OPRM1: variants seen among roughly 807,000 people sequenced by gnomAD.
OPRM1 encodes the protein mu-type opioid receptor.
In OPRM1, 27 loss-of-function variants were observed where a neutral mutation model predicts 31.8. That is an observed-to-expected ratio of 0.85 (90% CI 0.63 to 1.17). OPRM1 has a LOEUF of 1.17. OPRM1 is among the 50% of genes most tolerant of loss of function. The pLI is 0.00. For synonymous variants in OPRM1, 196 were observed against 189.9 expected, an observed-to-expected ratio of 1.03 and a Z score of -0.26; for missense variants, 536 against 511.1, an observed-to-expected ratio of 1.05 and a Z score of -0.47.
chr6:154,237,969 C>T (rs559486780), intron 3 of OPRM1, among the ~76,000 whole-genome samples: 6 of 152,058 alleles, frequency 3.9e-5, no homozygotes, highest in Admixed American at 2.0e-4. Flanking sequence ...TTCCTGTTAA[C>T]GATTTTAAAC....
At chr6:154,150,468 G>A (rs1798470238) in intron 3 of OPRM1, among the ~76,000 whole-genome samples, 1 of 152,142 alleles carries the variant, frequency 6.6e-6, no homozygotes. Flanking sequence ...TGGTCCTATT[G>A]ACAAATCAGG....
chr6:154,180,414 A>ATATATATATATATATATTTTTTT (rs1241250621), intron 3 of OPRM1, among the ~76,000 whole-genome samples: 7 of 65,240 alleles, frequency 1.1e-4, no homozygotes, highest in Admixed American at 2.7e-4. Flanking sequence ...ATATATATAT[A>ATATATATATATATATATTTTTTT]TTTTTTTTTT....
chr6:154,018,637 CTT>C lies in OPRM1; in HGVS notation c.-1+7622_-1+7623del, dbSNP rs1778153652. Among the ~76,000 whole-genome samples, 5 of 151,996 alleles carry C rather than the reference CTT, an allele frequency of 3.3e-5. 1 individual carries two copies. The highest frequency in any genetic ancestry group is 3.3e-4 in the Admixed American group (5 of 15,238). Reference sequence around the variant, plus strand: ...GTCCCAAGAGAAAACATTTGATACTCTTTTCAAATCACAATGTCATTCTCCTA... The same window carrying C: ...GTCCCAAGAGAAAACATTTGATACTCTTCAAATCACAATGTCATTCTCCTA... On this transcript the variant is annotated intron_variant, in intron 1 of 5. Transcript: ENST00000434900.
intron 1 of OPRM1, among the ~76,000 whole-genome samples, chr6:154,060,838 C>T (rs182212100): frequency 6.6e-6 from 1 of 152,194 alleles, no homozygotes; most frequent in Admixed American, 6.5e-5. Flanking sequence ...AGATGTATCC[C>T]ACAAGGAGGT....
chr6:154,022,408 C>T (rs778062122), intron 1 of OPRM1, among the ~76,000 whole-genome samples: 1 of 124,044 alleles, frequency 8.1e-6, no homozygotes, highest in Admixed American at 7.1e-5. Flanking sequence ...CCTTCCAGAG[C>T]AGGGGCCTGG....
chr6:154,161,838 G>T (rs1281462682), intron 3 of OPRM1, among the ~76,000 whole-genome samples: 1 of 152,174 alleles, frequency 6.6e-6, no homozygotes, highest in African/African-American at 2.4e-5. Flanking sequence ...AGGACAGCAT[G>T]TGTGAAACTA....
intron 3 of OPRM1, among the ~76,000 whole-genome samples, chr6:154,115,413 G>A (rs1000407922): frequency 1.3e-5 from 2 of 152,166 alleles, no homozygotes; most frequent in Admixed American, 6.5e-5. Flanking sequence ...GGTGGTGCAT[G>A]TCTGTGGTCC....
At chr6:154,031,656 GC>G (rs1562378652) in intron 1 of OPRM1, among the ~76,000 whole-genome samples, 1 of 152,136 alleles carries the variant, frequency 6.6e-6, no homozygotes, top group East Asian at 1.9e-4. Context: ...CAAGAGAATC[GC>G]TTGAACTTGG....
At chr6:154,096,013 A>G (rs944474804) in intron 3 of OPRM1, among the ~76,000 whole-genome samples, 1 of 151,982 alleles carries the variant, frequency 6.6e-6, no homozygotes, top group African/African-American at 2.4e-5. Flanking sequence ...CCCGCATCAT[A>G]TTATCTAATG....
intron 3 of OPRM1, among the ~76,000 whole-genome samples, chr6:154,221,743 G>A (rs761167411): frequency 3.2e-4 from 49 of 152,114 alleles, no homozygotes; most frequent in Middle Eastern, 3.4e-3. Flanking sequence ...GCATGGTGGC[G>A]GGCACCTCTA....
intron 1 of OPRM1, among the ~76,000 whole-genome samples, chr6:154,089,585 CA>C (rs5881062): frequency 3.2e-4 from 41 of 129,570 alleles, no homozygotes; most frequent in Non-Finnish European, 3.6e-4. Flanking sequence ...AGATCCTATC[CA>C]AAAAAAAAAA....
In OPRM1 at chr6:154,014,338, A is replaced by G. The variant is rs539966745; in HGVS notation, c.-1+3320A>G. Among the ~76,000 whole-genome samples the G allele has an allele frequency of 3.2e-4, 48 of 152,320 alleles. No individual in the cohort carries two copies. In the East Asian group the frequency reaches 9.2e-3, roughly 29 times the overall value. ...CTCTAAGAAAGATAAGAAGCCAGTT[A>G]AGGATTATGAGGGATGGAAAAACAT... is the stretch of plus-strand genomic sequence containing the variant. On this transcript the variant is annotated intron_variant, in intron 1 of 5. Transcript: ENST00000434900.
At position 154,144,468 on chromosome 6, in the gene OPRM1, C is replaced by T. The variant is rs142835641; in HGVS notation, c.1164+52996C>T. ...TTAATAAGAATTATACAACACGGGCCGGGCATGGTGGCTCAAGCCTGTAAT... is the reference window on the plus strand; with the variant it reads ...TTAATAAGAATTATACAACACGGGCTGGGCATGGTGGCTCAAGCCTGTAAT... On this transcript the variant is annotated intron_variant, in intron 3 of 3. Coordinates refer to the OPRM1 transcript ENST00000337049. 3.5e-3 allele frequency among the ~76,000 whole-genome samples: 532 copies of T among 152,218 alleles called. 4 individuals are homozygous for T. Among genetic ancestry groups the T allele is most frequent in the African/African-American group, 0.012 (501 of 41,552 alleles).
intron 3 of OPRM1, among the ~76,000 whole-genome samples, chr6:154,208,923 T>G (rs1777726417): frequency 6.6e-6 from 1 of 152,228 alleles, no homozygotes; most frequent in Non-Finnish European, 1.5e-5. Context: ...CACTTGCAAC[T>G]TCTTTGAGAA....
At position 154,039,469 on chromosome 6, in the gene OPRM1, T is replaced by C. The variant is rs751984779; in HGVS notation, c.-76T>C. 14 of 1,554,344 alleles carry C rather than the reference T, an allele frequency of 9.0e-6. No individual in the cohort carries two copies. The highest frequency in any genetic ancestry group is 1.4e-5 in the African/African-American group (1 of 73,222). ...TGTGGCAGCGGCGAAAGGAAGCGGC[T>C]GAGGCGCTTGGAACCCGAAAAGTCT... is the stretch of plus-strand genomic sequence containing the variant. On this transcript the variant is annotated 5_prime_UTR_variant, in exon 1 of 4. Transcript: ENST00000330432.
At chr6:154,236,234 G>A (rs1376155109) in intron 3 of OPRM1, among the ~76,000 whole-genome samples, 1 of 152,180 alleles carries the variant, frequency 6.6e-6, no homozygotes. Context: ...ACAATTCTGA[G>A]ACCTGCTACC....
At chr6:154,175,466 A>C (rs979800415) in intron 3 of OPRM1, among the ~76,000 whole-genome samples, 7 of 151,872 alleles carry the variant, frequency 4.6e-5, no homozygotes, top group African/African-American at 1.7e-4. Context: ...TCAAATAGAC[A>C]CAATAAAAAA....
intron 3 of OPRM1, among the ~76,000 whole-genome samples, chr6:154,118,110 G>A (rs185515074): frequency 3.9e-5 from 6 of 152,096 alleles, no homozygotes; most frequent in Admixed American, 2.0e-4. Context: ...CCTGAAAATA[G>A]CAGGCCACAT....
Position 154,152,179 on chromosome 6 carries a change from AAAAG to A in OPRM1, c.1164+60713_1164+60716del, listed in dbSNP as rs796485701. ...AGTGAGACTTTGAAAACAAAAAAAA[AAAAG>A]AAAGAGAGAGAGAGAGAGAAAGAAA... is the stretch of plus-strand genomic sequence containing the variant. On this transcript the variant is annotated intron_variant, in intron 3 of 3. Transcript: ENST00000337049. 1.1e-3 allele frequency among the ~76,000 whole-genome samples: 165 copies of A among 145,842 alleles called. 1 individual carries two copies. The highest frequency in any genetic ancestry group is 6.8e-3 in the Middle Eastern group (2 of 294).
Sources: gnomAD v4.1 joint callset for allele counts (sites outside exome capture counted in the v4.1 genomes callset) on GRCh38, gnomAD v4.1.1 for gene constraint, MANE v1.5 for transcripts, NCBI Gene and HGNC (gene_info 2026-07-23, HGNC 2026-07-21) for gene names.